CFHR5: variants seen among roughly 807,000 people sequenced by gnomAD.
CFHR5 encodes complement factor H-related protein 5.
In CFHR5, 73 loss-of-function variants were observed where a neutral mutation model predicts 62.9. The ratio of observed to expected loss-of-function variants is 1.16; its 90% CI spans 0.96 to 1.41. CFHR5 has a LOEUF of 1.41. Among genes scored for constraint, CFHR5 ranks in the 40% most tolerant of loss-of-function variants. The probability of loss-of-function intolerance (pLI) is 0.00; values close to 1 mark genes in which losing one functional copy is unlikely to be tolerated. For missense variants in CFHR5, 779 were observed against 679.9 expected (o/e 1.15, Z -1.62); for synonymous variants, 249 against 227.2 (o/e 1.10, Z -0.86).
chr1:196,991,536 A>T lies in CFHR5; in HGVS notation c.431-2544A>T, dbSNP rs367879407. Among the ~76,000 whole-genome samples, 13 of 152,220 alleles carry T rather than the reference A, an allele frequency of 8.5e-5. No individual in the cohort carries two copies. In the South Asian group the frequency reaches 2.3e-3, roughly 27 times the overall value. On this transcript the variant is annotated intron_variant, in intron 3 of 9. Transcript: ENST00000256785. ...CTTTGGTCTTTGATGTTGGTGACCT[A>T]CAGATGGGGTTTTGTTGTGGATGTC...
chr1:196,995,365 C>T (rs1462486787), intron 4 of CFHR5, among the ~76,000 whole-genome samples: 1 of 152,074 alleles, frequency 6.6e-6, no homozygotes, highest in Non-Finnish European at 1.5e-5. Flanking sequence ...TATGAGATAG[C>T]ATTCTGAAGA....
rs1558288962 is a variant in CFHR5 at position 196,999,707 on chromosome 1, A to ATATATATATATT, written c.1147+1414_1147+1415insTTATATATATAT. Among the ~76,000 whole-genome samples, 234 of 52,190 alleles carry ATATATATATATT rather than the reference A, an allele frequency of 4.5e-3. 3 individuals carry two copies. Among genetic ancestry groups the ATATATATATATT allele is most frequent in the African/African-American group, 0.01 (224 of 21,640 alleles). The allele number at this position is 52,190 out of a possible 152,430, so 34.2% of individuals were successfully genotyped here. On this transcript the variant is annotated intron_variant, in intron 7 of 9. Coordinates refer to ENST00000256785, the MANE Select transcript of CFHR5 (RefSeq NM_030787.4). ...AGTATATATATATATATATATATAT[A>ATATATATATATT]TATATATATATATATACACACACAC...
rs1259152266 is a variant in CFHR5 at position 197,009,066 on chromosome 1, C to T, written c.*383C>T. 7.1e-6 allele frequency: 1 copy of T among 141,756 alleles called. No individual in the cohort carries two copies. The highest frequency in any genetic ancestry group is 1.4e-5 in the Non-Finnish European group (1 of 69,878). 8.8% of individuals were successfully genotyped at this position (141,756 alleles called of 1,614,324 possible). On this transcript the variant is annotated 3_prime_UTR_variant, in exon 10 of 10. Transcript: ENST00000256785. ...CAACATGGTGGAAGGGATCACGTGG[C>T]AAAAGAGCATGTACATGGGAGTGAG...
At chr1:196,991,679 T>C (rs1653850649) in intron 3 of CFHR5, among the ~76,000 whole-genome samples, 1 of 152,210 alleles carries the variant, frequency 6.6e-6, no homozygotes, top group African/African-American at 2.4e-5. Context: ...CCTGTTTGCC[T>C]GGGTATCACC....
chr1:196,983,664 T>C (rs1653601974), intron 2 of CFHR5, among the ~76,000 whole-genome samples: 1 of 152,154 alleles, frequency 6.6e-6, no homozygotes, highest in South Asian at 2.1e-4. Flanking sequence ...GAAACATTTA[T>C]GAGAATTGCG....
At chr1:197,002,727 C>CTAAT in intron 8 of CFHR5, 63 bp downstream of exon 8, 1 of 1,356,860 alleles carries the variant, frequency 7.4e-7, no homozygotes, top group Non-Finnish European at 1.0e-6. Flanking sequence ...TTTGCTTTAT[C>CTAAT]TAAAGAAAGA....
chr1:196,975,674 G>A (rs1366272094), upstream of CFHR5, among the ~76,000 whole-genome samples: 3 of 152,190 alleles, frequency 2.0e-5, no homozygotes, highest in Non-Finnish European at 4.4e-5. Flanking sequence ...TGGTGGTTAA[G>A]GAGGGAGATA....
intron 3 of CFHR5, 45 bp downstream of exon 3, chr1:196,984,182 A>G (rs1210828503): frequency 4.0e-6 from 6 of 1,487,398 alleles, no homozygotes; most frequent in Non-Finnish European, 5.6e-6. Context: ...TATTTAAAGA[A>G]ATAAATCTAT....
At chr1:197,006,707 C>T (rs1276649442) in intron 9 of CFHR5, among the ~76,000 whole-genome samples, 10 of 85,788 alleles carry the variant, frequency 1.2e-4, no homozygotes, top group Admixed American at 1.0e-3. Flanking sequence ...AGTGAAACTC[C>T]GTCAAAAAAA....
At chr1:196,993,996 C>T (rs2125033436) in intron 3 of CFHR5, 84 bp from the exon 4 acceptor site, 1 of 1,018,586 alleles carries the variant, frequency 9.8e-7, no homozygotes, top group Middle Eastern at 3.1e-4. Flanking sequence ...ATATGAAGCC[C>T]CTTGCATCTT....
intron 1 of CFHR5, among the ~76,000 whole-genome samples, chr1:196,981,290 A>G (rs1653534866): frequency 6.6e-6 from 1 of 152,156 alleles, no homozygotes; most frequent in African/African-American, 2.4e-5. Flanking sequence ...GCATTCAAAG[A>G]TAAAGTACAT....
intron 6 of CFHR5, 72 bp from the exon 7 acceptor site, chr1:196,998,045 CATCAAACATAA>C (rs1654040440): frequency 2.3e-6 from 2 of 873,436 alleles, no homozygotes; most frequent in Admixed American, 2.3e-5. Context: ...TGCTTAAAAG[CATCAAACATAA>C]TTATGCTATT....
At chr1:197,004,199 C>T in intron 8 of CFHR5, among the ~76,000 whole-genome samples, 1 of 152,028 alleles carries the variant, frequency 6.6e-6, no homozygotes, top group Admixed American at 6.6e-5. Flanking sequence ...GGGAAAGATG[C>T]CTACAATATT....
intron 7 of CFHR5, among the ~76,000 whole-genome samples, chr1:197,000,041 A>C (rs1335738867): frequency 1.3e-5 from 2 of 151,902 alleles, no homozygotes; most frequent in Non-Finnish European, 2.9e-5. Flanking sequence ...GTGTGCATAC[A>C]CAAATAAACA....
intron 1 of CFHR5, among the ~76,000 whole-genome samples, chr1:196,981,920 T>C (rs1653552907): frequency 6.6e-6 from 1 of 152,116 alleles, no homozygotes; most frequent in Non-Finnish European, 1.5e-5. Flanking sequence ...TCAGATATTT[T>C]GGACTTGCAG....
intron 9 of CFHR5, among the ~76,000 whole-genome samples, chr1:197,006,404 C>G (rs998559441): frequency 2.0e-5 from 3 of 152,004 alleles, no homozygotes; most frequent in Non-Finnish European, 4.4e-5. Flanking sequence ...TAAGATTAGA[C>G]AGCTCTGAAG....
At chr1:197,006,522 A>G (rs990887396) in intron 9 of CFHR5, among the ~76,000 whole-genome samples, 10 of 151,892 alleles carry the variant, frequency 6.6e-5, no homozygotes, top group Admixed American at 1.3e-4. Context: ...GACTAGCCTG[A>G]CCAATATGGA....
chr1:196,991,010 C>G (rs978258071), intron 3 of CFHR5, among the ~76,000 whole-genome samples: 1 of 151,812 alleles, frequency 6.6e-6, no homozygotes, highest in East Asian at 1.9e-4. Flanking sequence ...AGCAATCAAA[C>G]GTAGATTTGG....
chr1:196,980,308 T>C (rs1653506073), intron 1 of CFHR5, among the ~76,000 whole-genome samples: 1 of 151,334 alleles, frequency 6.6e-6, no homozygotes, highest in Non-Finnish European at 1.5e-5. Flanking sequence ...GTACATTAAA[T>C]ACATTAACCA....
Sources: allele counts gnomAD v4.1 joint callset (sites outside exome capture counted in the v4.1 genomes callset), GRCh38; gene constraint gnomAD v4.1.1; transcripts MANE v1.5; gene names NCBI Gene and HGNC (gene_info 2026-07-23, HGNC 2026-07-21).